TANC2: variants seen among roughly 807,000 people sequenced by gnomAD.
TANC2 encodes the protein tetratricopeptide repeat, ankyrin repeat and coiled-coil containing 2.
In TANC2, 26 loss-of-function variants were observed where a neutral mutation model predicts 210.5. The ratio of observed to expected loss-of-function variants is 0.12; its 90% CI spans 0.09 to 0.17. The LOEUF (loss-of-function observed/expected upper bound fraction) is 0.17, where lower values mean the gene tolerates loss of function less well. Among genes scored for constraint, TANC2 ranks in the 10% least tolerant of loss-of-function variants. The pLI, the probability that TANC2 is intolerant of heterozygous loss-of-function variation, is 1.00. For missense variants in TANC2, 2,129 were observed against 2,608.9 expected, an observed-to-expected ratio of 0.82 and a Z score of 4.01; for synonymous variants, 931 against 967.1, an observed-to-expected ratio of 0.96 and a Z score of 0.69.
chr17:63,378,451 A>T (rs1026576699), intron 14 of TANC2, among the ~76,000 whole-genome samples: 1 of 152,184 alleles, frequency 6.6e-6, no homozygotes, highest in African/African-American at 2.4e-5. Context: ...GAAATCTATT[A>T]CCTCATATAA....
chr17:63,390,011 T>C (rs1336630477), intron 17 of TANC2: 1 of 185,136 alleles, frequency 5.4e-6, no homozygotes, highest in Non-Finnish European at 1.2e-5. Context: ...ACCACCACTC[T>C]AGAGATAAGG....
intron 9 of TANC2, among the ~76,000 whole-genome samples, chr17:63,312,182 A>T (rs1256229816): frequency 6.6e-6 from 1 of 152,300 alleles, no homozygotes; most frequent in East Asian, 1.9e-4. Context: ...ACTAAAGTTT[A>T]TTTTTCATCA....
chr17:63,004,214 G>A (rs902074745), intron 1 of TANC2, among the ~76,000 whole-genome samples: 1 of 152,192 alleles, frequency 6.6e-6, no homozygotes, highest in African/African-American at 2.4e-5. Context: ...CTCAACTGCT[G>A]CTCTTTTGAG....
intron 9 of TANC2, among the ~76,000 whole-genome samples, chr17:63,285,240 T>G (rs991755477): frequency 3.3e-5 from 5 of 152,016 alleles, no homozygotes; most frequent in African/African-American, 1.2e-4. Flanking sequence ...TAGGGGAGGT[T>G]TAAATTTATC....
chr17:62,971,149 T>C (rs2031670493), intron 1 of TANC2, among the ~76,000 whole-genome samples: 1 of 152,074 alleles, frequency 6.6e-6, no homozygotes, highest in Non-Finnish European at 1.5e-5. Flanking sequence ...TAACTTGCAT[T>C]AGATGAAGAC....
intron 3 of TANC2, among the ~76,000 whole-genome samples, chr17:63,084,032 T>G (rs2036871876): frequency 6.6e-6 from 1 of 152,206 alleles, no homozygotes; most frequent in Non-Finnish European, 1.5e-5. Context: ...TGCTTCTACC[T>G]TTTGAAAAAG....
intron 6 of TANC2, among the ~76,000 whole-genome samples, chr17:63,198,940 G>C (rs933285280): frequency 1.3e-5 from 2 of 152,176 alleles, no homozygotes; most frequent in Non-Finnish European, 2.9e-5. Context: ...AGAAAAATTA[G>C]ATTCTAATAT....
chr17:63,367,924 G>A (rs1014086460), intron 14 of TANC2, among the ~76,000 whole-genome samples: 3 of 152,194 alleles, frequency 2.0e-5, no homozygotes, highest in Admixed American at 1.3e-4. Context: ...GATAACTCTG[G>A]TGATGTGAAA....
At chr17:63,133,105 C>T (rs569425923) in intron 4 of TANC2, among the ~76,000 whole-genome samples, 61 of 152,328 alleles carry the variant, frequency 4.0e-4, no homozygotes, top group Non-Finnish European at 6.3e-4. Flanking sequence ...TCCCAAGCAG[C>T]TGAGATTACA....
chr17:62,973,026 C>T, intron 1 of TANC2, among the ~76,000 whole-genome samples: 1 of 151,008 alleles, frequency 6.6e-6, no homozygotes, highest in East Asian at 1.9e-4. Context: ...ATAGTAGTTG[C>T]CGCATTTTTT....
At chr17:63,018,490 A>T (rs1366291864) in intron 2 of TANC2, among the ~76,000 whole-genome samples, 2 of 151,516 alleles carry the variant, frequency 1.3e-5, no homozygotes, top group African/African-American at 4.8e-5. Flanking sequence ...CAAAAAAAAA[A>T]AATAAATAAA....
intron 8 of TANC2, among the ~76,000 whole-genome samples, chr17:63,250,652 G>A (rs1210565212): frequency 2.6e-5 from 4 of 152,064 alleles, no homozygotes; most frequent in Non-Finnish European, 4.4e-5. Flanking sequence ...TATAATAATG[G>A]TTATTCGTTC....
At chr17:63,256,883 A>G (rs997506143) in intron 8 of TANC2, among the ~76,000 whole-genome samples, 1 of 152,024 alleles carries the variant, frequency 6.6e-6, no homozygotes, top group Non-Finnish European at 1.5e-5. Context: ...GTCTCTTTTT[A>G]TAATTTTTGT....
chr17:63,316,431 C>T lies in TANC2; in HGVS notation c.1441+1762C>T, dbSNP rs745829490. Among the ~76,000 whole-genome samples the T allele has an allele frequency of 3.3e-5, 5 of 152,164 alleles. No homozygotes were observed. In the East Asian group the frequency reaches 5.8e-4, roughly 18 times the overall value. On this transcript the variant is annotated intron_variant, in intron 10 of 27. Transcript: ENST00000689528. ...AGAAAGCAGAGGTACCTGGGGATCT[C>T]TCTATGAGCCTGGGGGAGCAAAAGT...
chr17:63,304,609 C>T (rs1364389486), intron 9 of TANC2, among the ~76,000 whole-genome samples: 3 of 152,100 alleles, frequency 2.0e-5, no homozygotes, highest in African/African-American at 7.2e-5. Flanking sequence ...TTTGACTGTC[C>T]CTTGGTGGAC....
intron 3 of TANC2, among the ~76,000 whole-genome samples, chr17:63,079,777 G>A (rs2036704571): frequency 1.3e-5 from 2 of 152,096 alleles, no homozygotes; most frequent in Admixed American, 6.5e-5. Context: ...CTGTGCATGA[G>A]GGTCCTTTTC....
At chr17:63,137,145 A>G (rs938534244) in intron 4 of TANC2, among the ~76,000 whole-genome samples, 1 of 152,128 alleles carries the variant, frequency 6.6e-6, no homozygotes, top group East Asian at 1.9e-4. Context: ...TGGAGCATTC[A>G]GTAGAGATCC....
intron 10 of TANC2, among the ~76,000 whole-genome samples, chr17:63,315,378 G>A (rs979640141): frequency 2.6e-5 from 4 of 152,308 alleles, no homozygotes; most frequent in African/African-American, 9.6e-5. Flanking sequence ...GAGAGGTTAA[G>A]TAAGTTCTGC....
At chr17:63,288,104 C>T (rs980955371) in intron 9 of TANC2, among the ~76,000 whole-genome samples, 2 of 152,160 alleles carry the variant, frequency 1.3e-5, no homozygotes, top group African/African-American at 2.4e-5. Context: ...AGTTTCCTCA[C>T]ATACACATGC....
Sources: gnomAD v4.1 joint callset for allele counts (sites outside exome capture counted in the v4.1 genomes callset) on GRCh38, gnomAD v4.1.1 for gene constraint, MANE v1.5 for transcripts, NCBI Gene and HGNC (gene_info 2026-07-23, HGNC 2026-07-21) for gene names.